SLC2A1: variants seen among roughly 807,000 people sequenced by gnomAD.
The protein encoded by SLC2A1 is solute carrier family 2, facilitated glucose transporter member 1.
A neutral mutation model predicts 46.6 loss-of-function variants in SLC2A1; 4 were observed. The ratio of observed to expected loss-of-function variants is 0.09; its 90% confidence interval spans 0.04 to 0.20. The LOEUF is 0.20. Ranked by LOEUF, SLC2A1 falls within the 10% of genes least tolerant of loss-of-function variation. SLC2A1 has a pLI of 1.00. For missense variants in SLC2A1, 352 were observed against 667.0 expected (o/e 0.53, Z 5.20); for synonymous variants, 253 against 270.0 (o/e 0.94, Z 0.62).
chr1:42,930,810 C>A lies in SLC2A1; in HGVS notation c.332G>T (p.Gly111Val), dbSNP rs1399284513. ...LLAFVSAVLM[G>V]FSKLGKSFEM... ...AAAGGACTTGCCCAGTTTCGAGAAG[C>A]CCATGAGCACGGCGGACACGAAGGC... The change falls in exon 4 of 10, where the codon GGC becomes GTC. Residue 111 changes from glycine to valine, a missense_variant. Coordinates refer to ENST00000426263, the MANE Select transcript of SLC2A1 (RefSeq NM_006516.4). This position sits in a 1 kb window ranked among gnomAD's most constrained non-coding sequence, Gnocchi z 6.2. The A allele has an allele frequency of 6.2e-7, 1 of 1,601,276 alleles. No homozygotes were observed. Among genetic ancestry groups the A allele is most frequent in the Non-Finnish European group, 8.5e-7 (1 of 1,179,958 alleles).
chr1:42,926,089 C>T lies in SLC2A1; in HGVS notation c.*952G>A, dbSNP rs1643422502. The T allele has an allele frequency of 1.3e-5, 2 of 152,486 alleles. No individual in the cohort carries two copies. Among genetic ancestry groups the T allele is most frequent in the African/African-American group, 4.8e-5 (2 of 41,394 alleles). The allele number at this position is 152,486 out of a possible 1,614,324, so 9.4% of individuals were successfully genotyped here. A position where few individuals can be genotyped will look rare whatever the true frequency, so the allele number is the denominator to read the frequency against. On this transcript the variant is annotated 3_prime_UTR_variant, in exon 10 of 10. Coordinates refer to ENST00000426263, the MANE Select transcript of SLC2A1 (RefSeq NM_006516.4). Reference sequence around the variant, plus strand: ...CTAAGCCGTTGCAGTGGTTGCAACCCCACTTACTTCTGTCTCACTCCCATC... The same window carrying T: ...CTAAGCCGTTGCAGTGGTTGCAACCTCACTTACTTCTGTCTCACTCCCATC...
chr1:42,951,374 G>A (rs1351209253), intron 1 of SLC2A1, among the ~76,000 whole-genome samples: 1 of 152,164 alleles, frequency 6.6e-6, no homozygotes, highest in Non-Finnish European at 1.5e-5. Context: ...AAAAGCAATA[G>A]GATGTACATA....
intron 2 of SLC2A1, among the ~76,000 whole-genome samples, chr1:42,938,757 C>G (rs1195352621): frequency 6.6e-6 from 1 of 152,238 alleles, no homozygotes; most frequent in Non-Finnish European, 1.5e-5. Flanking sequence ...GCCCAGACAC[C>G]TGCCCCTCCT....
At chr1:42,945,801 C>T (rs887598872) in intron 1 of SLC2A1, among the ~76,000 whole-genome samples, 7 of 151,630 alleles carry the variant, frequency 4.6e-5, no homozygotes, top group Admixed American at 1.3e-4. Flanking sequence ...ATTCTAACCC[C>T]GGGGGGGCCT....
chr1:42,930,821 G>C lies in SLC2A1; in HGVS notation c.321C>G (p.Ala107=). Residue 107 remains alanine (A), a synonymous_variant, in exon 4 of 10, where the codon GCC becomes GCG. Coordinates refer to ENST00000426263, the MANE Select transcript of SLC2A1 (RefSeq NM_006516.4). The surrounding 1 kb of genome is among the most constrained non-coding windows in gnomAD (Gnocchi z 6.2). ...CCAGTTTCGAGAAGCCCATGAGCAC[G>C]GCGGACACGAAGGCCAGCAGGTTCA... ...LMMNLLAFVS[A]VLMGFSKLGK... is the part of the protein sequence containing the mutation. 1 of 1,600,974 alleles carries C rather than the reference G, an allele frequency of 6.2e-7. No homozygotes were observed. Among genetic ancestry groups the C allele is most frequent in the Non-Finnish European group, 8.5e-7 (1 of 1,179,944 alleles).
chr1:42,954,371 A>G lies in SLC2A1; in HGVS notation c.18+4263T>C, dbSNP rs923468041. ...CCATCTCTACTAAAAAAAAATACAA[A>G]AAAATTAGCCGGGCATGGTGGCACA... On this transcript the variant is annotated intron_variant, in intron 1 of 9. Transcript: ENST00000426263. The surrounding 1 kb of genome is among the most constrained non-coding windows in gnomAD (Gnocchi z 4.2). 4.6e-5 allele frequency among the ~76,000 whole-genome samples: 7 copies of G among 152,108 alleles called. No homozygotes were observed. The highest frequency in any genetic ancestry group is 1.7e-4 in the African/African-American group (7 of 41,402).
chr1:42,929,169 C>T lies in SLC2A1; in HGVS notation c.972+41G>A, dbSNP rs1234081008. 1.9e-6 allele frequency: 3 copies of T among 1,584,854 alleles called. No individual in the cohort carries two copies. Among genetic ancestry groups the T allele is most frequent in the Non-Finnish European group, 2.6e-6 (3 of 1,153,728 alleles). ...AGTGGGGAAGATGGCACTGCCTCCT[C>T]CCTGGGGTTTGGCTGGGGGGGCCAG... On this transcript the variant is annotated intron_variant, in intron 7 of 9. Transcript: ENST00000426263. This position sits in a 1 kb window ranked among gnomAD's most constrained non-coding sequence, Gnocchi z 6.0.
intron 2 of SLC2A1, among the ~76,000 whole-genome samples, chr1:42,933,296 T>C (rs944850306): frequency 5.9e-5 from 9 of 152,046 alleles, no homozygotes; most frequent in African/African-American, 2.2e-4. Flanking sequence ...TACCACACCT[T>C]TGCACTCACT....
chr1:42,932,675 T>TGAGGTCTA (rs1427286671), intron 2 of SLC2A1, among the ~76,000 whole-genome samples: 2 of 151,946 alleles, frequency 1.3e-5, no homozygotes, highest in Non-Finnish European at 2.9e-5. Context: ...TCCAACCCAC[T>TGAGGTCTA]GAGGTCTAGC....
chr1:42,939,542 G>A (rs991706285), intron 2 of SLC2A1, among the ~76,000 whole-genome samples: 1 of 152,236 alleles, frequency 6.6e-6, no homozygotes, highest in Non-Finnish European at 1.5e-5. Context: ...GCCCTGGTCA[G>A]AGGTTCTGCC....
At chr1:42,943,346 T>TA in intron 1 of SLC2A1, 25 bp from the exon 2 acceptor site, 1 of 1,566,760 alleles carries the variant, frequency 6.4e-7, no homozygotes, top group Non-Finnish European at 8.8e-7. Flanking sequence ...ACCACACTGT[T>TA]ATAGGCGTGT....
At chr1:42,952,176 G>A in intron 1 of SLC2A1, 1 of 512,344 alleles carries the variant, frequency 2.0e-6, no homozygotes, top group East Asian at 3.4e-5. Flanking sequence ...GGAATAAGCA[G>A]GGGTGATCTT....
At chr1:42,945,747 A>AAACC (rs143388555) in intron 1 of SLC2A1, among the ~76,000 whole-genome samples, 1 of 139,180 alleles carries the variant, frequency 7.2e-6, no homozygotes, top group African/African-American at 2.9e-5. Context: ...TCAAAAAAAA[A>AAACC]AAAAAACAAA....
At chr1:42,937,115 C>CT in intron 2 of SLC2A1, among the ~76,000 whole-genome samples, 1 of 152,352 alleles carries the variant, frequency 6.6e-6, no homozygotes, top group Admixed American at 6.5e-5. Flanking sequence ...GAAGCACCCT[C>CT]TCCCTCTTCC....
rs770372457 is a variant in SLC2A1 at position 42,929,587 on chromosome 1, A to G, written c.867+6T>C. On this transcript the variant is annotated splice_donor_region_variant and intron_variant, in intron 6 of 9. Coordinates refer to ENST00000426263, the MANE Select transcript of SLC2A1 (RefSeq NM_006516.4). This position sits in a 1 kb window ranked among gnomAD's most constrained non-coding sequence, Gnocchi z 6.0. ...GGGCACAGGAAGGGTGGGTGGGGGC[A>G]CTCACAGCGTTGATGCCAGACAGCT... The G allele has an allele frequency of 1.2e-6, 2 of 1,610,774 alleles. No individual in the cohort carries two copies. The highest frequency in any genetic ancestry group is 1.7e-6 in the Non-Finnish European group (2 of 1,177,706).
At chr1:42,958,088 G>A (rs1437900595) in intron 1 of SLC2A1, among the ~76,000 whole-genome samples, 3 of 152,132 alleles carry the variant, frequency 2.0e-5, no homozygotes, top group Non-Finnish European at 2.9e-5. Context: ...GAGTAGGGGA[G>A]GCCGGTGGGA....
intron 1 of SLC2A1, among the ~76,000 whole-genome samples, chr1:42,947,261 T>A (rs1485733835): frequency 6.6e-6 from 1 of 152,186 alleles, no homozygotes; most frequent in Non-Finnish European, 1.5e-5. Flanking sequence ...GGAGCCTTTT[T>A]TACTGGTGGG....
rs1434558091 is a variant in SLC2A1, at chr1:42,930,533, A to G, written c.516+93T>C. 6 of 1,550,476 alleles carry G rather than the reference A, an allele frequency of 3.9e-6. No individual in the cohort carries two copies. Among genetic ancestry groups the G allele is most frequent in the Non-Finnish European group, 5.3e-6 (6 of 1,134,434 alleles). ...CTGCAAGGCTGTGGGGGCTGGGCGG[A>G]AGAGAAACTCTGCCCTGCTGGGCAC... On this transcript the variant is annotated intron_variant, in intron 4 of 9. Coordinates refer to ENST00000426263, the MANE Select transcript of SLC2A1 (RefSeq NM_006516.4). This position sits in a 1 kb window ranked among gnomAD's most constrained non-coding sequence, Gnocchi z 6.2.
At position 42,925,952 on chromosome 1, in the gene SLC2A1, A is replaced by G. The variant is rs1428557710; in HGVS notation, c.*1089T>C. The G allele has an allele frequency of 2.6e-5, 4 of 152,252 alleles. No homozygotes were observed. Among genetic ancestry groups the G allele is most frequent in the Non-Finnish European group, 4.4e-5 (3 of 68,046 alleles). 9.4% of individuals were successfully genotyped at this position (152,252 alleles called of 1,614,324 possible). On this transcript the variant is annotated 3_prime_UTR_variant, in exon 10 of 10. Transcript: ENST00000426263. Reference sequence around the variant, plus strand: ...CAAATATGTGATAGAAATGCCTTGAATGTCAAGATAAAGAATGTATATATT... The same window carrying G: ...CAAATATGTGATAGAAATGCCTTGAGTGTCAAGATAAAGAATGTATATATT...
Sources: allele counts gnomAD v4.1 joint callset (sites outside exome capture counted in the v4.1 genomes callset), GRCh38; gene constraint gnomAD v4.1.1; non-coding constraint Gnocchi (gnomAD v3.1); transcripts MANE v1.5; gene names NCBI Gene and HGNC (gene_info 2026-07-23, HGNC 2026-07-21).